The following DOCK1 variants were observed in gnomAD, a reference collection of about 807,000 sequenced individuals.
DOCK1 encodes dedicator of cytokinesis 1.
A neutral mutation model predicts 262.7 loss-of-function variants in DOCK1; 138 were observed. That is an observed-to-expected ratio of 0.53 (90% CI 0.46 to 0.61). DOCK1 has a LOEUF of 0.61. DOCK1 is among the 20% of genes least tolerant of loss of function. DOCK1 has a pLI of 0.00. For synonymous variants in DOCK1, 866 were observed against 867.4 expected, an observed-to-expected ratio of 1.00 and a Z score of 0.03; for missense variants, 1,908 against 2,370.7, an observed-to-expected ratio of 0.80 and a Z score of 4.05.
chr10:127,361,864 CAT>C (rs879487287), intron 32 of DOCK1, among the ~76,000 whole-genome samples, 198 bp from the exon 33 acceptor site: 3 of 152,180 alleles, frequency 2.0e-5, no homozygotes, highest in Non-Finnish European at 2.9e-5. Context: ...TCACTTATAA[CAT>C]GTGGAATACA....
chr10:127,369,965 G>T (rs918331649), intron 33 of DOCK1, among the ~76,000 whole-genome samples: 1 of 152,238 alleles, frequency 6.6e-6, no homozygotes, highest in Non-Finnish European at 1.5e-5. Flanking sequence ...CCCAAGGGTT[G>T]TGCGGTGTCA....
chr10:127,019,374 T>C (rs2042245738), intron 13 of DOCK1, among the ~76,000 whole-genome samples: 1 of 152,230 alleles, frequency 6.6e-6, no homozygotes, highest in Admixed American at 6.5e-5. Flanking sequence ...AATAATCTGA[T>C]TTGATCATCA....
At chr10:126,933,607 G>T (rs888586036) in intron 1 of DOCK1, among the ~76,000 whole-genome samples, 1 of 152,096 alleles carries the variant, frequency 6.6e-6, no homozygotes, top group African/African-American at 2.4e-5. Context: ...ATTTTGGAGT[G>T]CCCTGAGTCA....
chr10:127,067,360 C>G (rs145632412), intron 23 of DOCK1, among the ~76,000 whole-genome samples: 5 of 152,226 alleles, frequency 3.3e-5, no homozygotes, highest in African/African-American at 1.2e-4. Flanking sequence ...TTAGGATGAC[C>G]CTGGGAAAAG....
chr10:127,026,302 G>T (rs754526628), intron 15 of DOCK1, 50 bp from the exon 16 acceptor site: 12 of 1,499,398 alleles, frequency 8.0e-6, no homozygotes, highest in Middle Eastern at 1.8e-4. Flanking sequence ...AAGCTGTTAC[G>T]CTGGATGATA....
intron 29 of DOCK1, among the ~76,000 whole-genome samples, chr10:127,337,765 G>T (rs901829938): frequency 3.3e-5 from 5 of 152,260 alleles, no homozygotes; most frequent in Admixed American, 3.3e-4. Context: ...CTCTGTCACA[G>T]GCCCTTTGTC....
At chr10:127,060,945 T>C (rs2045490171) in intron 22 of DOCK1, among the ~76,000 whole-genome samples, 1 of 152,196 alleles carries the variant, frequency 6.6e-6, no homozygotes, top group Non-Finnish European at 1.5e-5. Flanking sequence ...AAAACATTGG[T>C]AGTGGCCGCC....
At chr10:127,277,256 A>C (rs368251436) in intron 29 of DOCK1, among the ~76,000 whole-genome samples, 2 of 152,328 alleles carry the variant, frequency 1.3e-5, no homozygotes, top group East Asian at 3.9e-4. Context: ...GCTAATAAAA[A>C]ATTTTGATGA....
intron 27 of DOCK1, among the ~76,000 whole-genome samples, chr10:127,235,782 G>A (rs1020389215): frequency 9.9e-5 from 7 of 70,902 alleles, no homozygotes; most frequent in Admixed American, 9.5e-4. Context: ...CATCTTTGTG[G>A]TGGTTGTTTT....
intron 25 of DOCK1, 38 bp from the exon 26 acceptor site, chr10:127,125,432 TGGTG>T (rs1564821049): frequency 6.2e-7 from 1 of 1,607,394 alleles, no homozygotes; most frequent in African/African-American, 1.3e-5. Context: ...AGTTGCGTCT[TGGTG>T]GGTTTCACAC....
At chr10:127,127,436 A>C (rs890286296) in intron 26 of DOCK1, among the ~76,000 whole-genome samples, 1 of 152,228 alleles carries the variant, frequency 6.6e-6, no homozygotes, top group Admixed American at 6.5e-5. Context: ...GGTTTGCTTA[A>C]ATTAAATTAC....
intron 29 of DOCK1, among the ~76,000 whole-genome samples, chr10:127,261,068 GGT>G (rs1045852494): frequency 6.6e-5 from 7 of 105,268 alleles, no homozygotes; most frequent in East Asian, 3.2e-4. Flanking sequence ...TGTGCATGTG[GGT>G]GTGTGTGTAC....
chr10:126,924,574 T>C (rs1248822587), intron 1 of DOCK1, among the ~76,000 whole-genome samples: 3 of 152,166 alleles, frequency 2.0e-5, no homozygotes, highest in Non-Finnish European at 1.5e-5. Flanking sequence ...TGGGGAGAGT[T>C]GACCAAAAGG....
chr10:127,289,613 C>T (rs2061280374), intron 29 of DOCK1, among the ~76,000 whole-genome samples: 1 of 152,166 alleles, frequency 6.6e-6, no homozygotes, highest in African/African-American at 2.4e-5. Flanking sequence ...CACAACCTTT[C>T]CAACCTATTA....
chr10:127,274,694 A>C (rs905446560), intron 29 of DOCK1, among the ~76,000 whole-genome samples: 10 of 152,226 alleles, frequency 6.6e-5, no homozygotes, highest in Admixed American at 6.5e-4. Flanking sequence ...TGGAAAGTTT[A>C]AAGATAAAGA....
chr10:127,145,916 C>T, intron 27 of DOCK1: 1 of 490,578 alleles, frequency 2.0e-6, no homozygotes, highest in South Asian at 1.5e-5. Context: ...CTGTGCATTC[C>T]TGCAGGAGGT....
chr10:127,118,352 A>C (rs2049319100), intron 25 of DOCK1, among the ~76,000 whole-genome samples: 1 of 152,218 alleles, frequency 6.6e-6, no homozygotes, highest in South Asian at 2.1e-4. Flanking sequence ...ATCTACTGAT[A>C]AATGGGACTC....
chr10:126,998,428 TG>T, intron 8 of DOCK1, 179 bp downstream of exon 8: 1 of 721,560 alleles, frequency 1.4e-6, no homozygotes, highest in Non-Finnish European at 2.2e-6. Flanking sequence ...GGTTGGGCTC[TG>T]GGTCAGGGTG....
At chr10:127,030,705 C>T (rs921087225) in intron 16 of DOCK1, among the ~76,000 whole-genome samples, 2 of 152,142 alleles carry the variant, frequency 1.3e-5, no homozygotes, top group Admixed American at 1.3e-4. Context: ...GGCAGTAAAA[C>T]AAAAGGTCAC....
Sources: gnomAD v4.1 joint callset for allele counts (sites outside exome capture counted in the v4.1 genomes callset) on GRCh38, gnomAD v4.1.1 for gene constraint, MANE v1.5 for transcripts, NCBI Gene and HGNC (gene_info 2026-07-23, HGNC 2026-07-21) for gene names.